Variants in TTC7B observed in about 807,000 individuals in gnomAD.
The protein encoded by TTC7B is tetratricopeptide repeat domain 7B.
TTC7B carries 28 observed loss-of-function variants against 106.8 expected under a neutral mutation model. The observed-to-expected ratio is 0.26, with a 90% CI of 0.19 to 0.36. The LOEUF (loss-of-function observed/expected upper bound fraction) is 0.36. Among genes scored for constraint, TTC7B ranks in the 10% least tolerant of loss-of-function variants. The pLI is 1.00. For missense variants in TTC7B, 862 were observed against 1,076.4 expected, an observed-to-expected ratio of 0.80 and a Z score of 2.79; for synonymous variants, 405 against 430.6, an observed-to-expected ratio of 0.94 and a Z score of 0.74.
intron 3 of TTC7B, among the ~76,000 whole-genome samples, chr14:90,746,568 C>T (rs80279925): frequency 0.044 from 6,652 of 152,142 alleles, 185 homozygotes; most frequent in Non-Finnish European, 0.057. Flanking sequence ...CTTCTGTTTT[C>T]GATTTCATTT....
intron 3 of TTC7B, among the ~76,000 whole-genome samples, chr14:90,777,583 G>C (rs1336720713): frequency 6.6e-6 from 1 of 152,206 alleles, no homozygotes; most frequent in South Asian, 2.1e-4. Context: ...AGGTGACAAA[G>C]TGTGCAGGTC....
intron 1 of TTC7B, among the ~76,000 whole-genome samples, chr14:90,798,108 G>T (rs1414858901): frequency 6.7e-6 from 1 of 150,132 alleles, no homozygotes. Flanking sequence ...CTCTGTGACC[G>T]CCACGAGAAC....
chr14:90,554,808 A>G (rs1231922875), intron 19 of TTC7B, among the ~76,000 whole-genome samples: 1 of 152,256 alleles, frequency 6.6e-6, no homozygotes, highest in Non-Finnish European at 1.5e-5. Context: ...GTGCTGGTTC[A>G]TGGCCACACA....
chr14:90,711,256 C>A (rs975836467), intron 5 of TTC7B, among the ~76,000 whole-genome samples: 2 of 152,076 alleles, frequency 1.3e-5, no homozygotes, highest in Admixed American at 1.3e-4. Flanking sequence ...TAAAAAATAA[C>A]ATTGTGTAAA....
At chr14:90,583,007 G>A (rs1212370024) in intron 18 of TTC7B, among the ~76,000 whole-genome samples, 5 of 152,148 alleles carry the variant, frequency 3.3e-5, no homozygotes, top group African/African-American at 4.8e-5. Context: ...AGGACAGAAC[G>A]AGGCCACAAG....
chr14:90,553,742 C>T (rs1038241692), intron 19 of TTC7B, among the ~76,000 whole-genome samples: 3 of 152,204 alleles, frequency 2.0e-5, no homozygotes, highest in Admixed American at 6.5e-5. Flanking sequence ...TCAGACCTCC[C>T]GCCCACTCTC....
chr14:90,782,796 A>C (rs1053034145), intron 2 of TTC7B, among the ~76,000 whole-genome samples: 7 of 152,156 alleles, frequency 4.6e-5, no homozygotes, highest in Admixed American at 3.9e-4. Context: ...ACACATCACA[A>C]GAGGTTCGCT....
intron 6 of TTC7B, among the ~76,000 whole-genome samples, chr14:90,695,048 A>C (rs1269281231): frequency 0.12 from 4,450 of 37,016 alleles, 334 homozygotes; most frequent in East Asian, 0.25. Context: ...TTTATTATAA[A>C]ATATATTTTA....
chr14:90,756,766 A>G (rs907750724), intron 3 of TTC7B, among the ~76,000 whole-genome samples: 2 of 152,158 alleles, frequency 1.3e-5, no homozygotes, highest in Admixed American at 6.5e-5. Context: ...AGAATTAAGA[A>G]CAAGCACCTC....
chr14:90,654,481 C>T lies in TTC7B; in HGVS notation c.1459+512G>A, dbSNP rs1264862686. ...CTAAGCACATCCAAAAATCACTGCG[C>T]CCAAGACCCCTAGGTGTCTTGTGAG... On this transcript the variant is annotated intron_variant, in intron 12 of 19. Coordinates refer to ENST00000328459, the MANE Select transcript of TTC7B (RefSeq NM_001010854.2). Among the ~76,000 whole-genome samples the T allele has an allele frequency of 4.6e-5, 7 of 152,268 alleles. No individual in the cohort carries two copies. The East Asian group carries it at 1.2e-3, about 25-fold the overall frequency.
At chr14:90,702,597 C>G (rs1888038364) in intron 5 of TTC7B, among the ~76,000 whole-genome samples, 1 of 151,972 alleles carries the variant, frequency 6.6e-6, no homozygotes, top group Non-Finnish European at 1.5e-5. Flanking sequence ...TGAAAATCTG[C>G]TTTACTTCTT....
rs955867350 is a variant in TTC7B at position 90,633,250 on chromosome 14, G to A, written c.1751+10798C>T. ...GGTGACATCTGATGTTTTCTTAAGT[G>A]TGCTATTGATTTGATAACCTCTCTG... On this transcript the variant is annotated intron_variant, in intron 15 of 19. Coordinates refer to ENST00000328459, the MANE Select transcript of TTC7B (RefSeq NM_001010854.2). 5.3e-5 allele frequency among the ~76,000 whole-genome samples: 8 copies of A among 152,218 alleles called. 1 individual carries two copies. The highest frequency in any genetic ancestry group is 9.6e-5 in the African/African-American group (4 of 41,458).
At chr14:90,738,072 G>C (rs556750638) in intron 4 of TTC7B, among the ~76,000 whole-genome samples, 8 of 152,098 alleles carry the variant, frequency 5.3e-5, no homozygotes, top group Admixed American at 4.6e-4. Flanking sequence ...AATTTAAATG[G>C]GTGAATTGTA....
chr14:90,555,231 C>G (rs1423523691), intron 19 of TTC7B, among the ~76,000 whole-genome samples: 1 of 152,314 alleles, frequency 6.6e-6, no homozygotes, highest in African/African-American at 2.4e-5. Context: ...TCAGCACTCC[C>G]TACACCAACC....
chr14:90,696,997 A>G (rs1355412969), intron 5 of TTC7B, among the ~76,000 whole-genome samples: 1 of 152,212 alleles, frequency 6.6e-6, no homozygotes, highest in African/African-American at 2.4e-5. Context: ...CGGGAAGGAA[A>G]TAGCTACAGC....
rs1381016322 is a variant in TTC7B, at chr14:90,560,890, A to G, written c.2310+17216T>C. On this transcript the variant is annotated intron_variant, in intron 19 of 19. Transcript: ENST00000328459. ...AGAAGCAGATTTGTCACCTTTGTGTAATATATCAGGCAGCAGGTAAAGAAT... is the reference window on the plus strand; with the variant it reads ...AGAAGCAGATTTGTCACCTTTGTGTGATATATCAGGCAGCAGGTAAAGAAT... Among the ~76,000 whole-genome samples the G allele has an allele frequency of 5.3e-5, 8 of 152,342 alleles. No homozygotes were observed. In the East Asian group the frequency reaches 1.5e-3, roughly 29 times the overall value.
chr14:90,675,534 T>G (rs1418948246), intron 9 of TTC7B, among the ~76,000 whole-genome samples: 1 of 152,040 alleles, frequency 6.6e-6, no homozygotes, highest in African/African-American at 2.4e-5. Context: ...TCAGGCCAGA[T>G]TGTGAGGCTG....
In TTC7B at chr14:90,605,802, A is replaced by C. The variant is rs114299936; in HGVS notation, c.1966+4940T>G. 9.5e-4 allele frequency: 1,142 copies of C among 1,201,454 alleles called. 11 individuals carry two copies. In the African/African-American group the frequency reaches 0.015, roughly 16 times the overall value. 74.4% of individuals were successfully genotyped at this position (1,201,454 alleles called of 1,614,324 possible). ...AAAAAAGGGTGAAGGCAAAAAAAAA[A>C]CTTTAGAAACACAAAGAAAAAAATA... is the stretch of plus-strand genomic sequence containing the variant. On this transcript the variant is annotated intron_variant, in intron 17 of 19. Transcript: ENST00000328459.
chr14:90,795,001 C>G (rs1310550995), intron 1 of TTC7B, among the ~76,000 whole-genome samples: 1 of 152,044 alleles, frequency 6.6e-6, no homozygotes, highest in Non-Finnish European at 1.5e-5. Context: ...AAAGACATCA[C>G]CTAACCAGCA....
Sources: gnomAD v4.1 joint callset for allele counts (sites outside exome capture counted in the v4.1 genomes callset) on GRCh38, gnomAD v4.1.1 for gene constraint, MANE v1.5 for transcripts, NCBI Gene and HGNC (gene_info 2026-07-23, HGNC 2026-07-21) for gene names.